SPON1: variants seen among roughly 807,000 people sequenced by gnomAD.
The protein encoded by SPON1 is spondin 1, also known as spondin-1.
A neutral mutation model predicts 111.7 loss-of-function variants in SPON1; 52 were observed. The ratio of observed to expected loss-of-function variants is 0.47; its 90% confidence interval spans 0.37 to 0.59. SPON1 has a LOEUF of 0.59. Among genes scored for constraint, SPON1 ranks in the 20% least tolerant of loss-of-function variants. The probability of loss-of-function intolerance (pLI) is 0.00; values close to 1 mark genes in which losing one functional copy is unlikely to be tolerated. For missense variants in SPON1, 957 were observed against 1,068.5 expected, an observed-to-expected ratio of 0.90 and a Z score of 1.46; for synonymous variants, 410 against 395.8, an observed-to-expected ratio of 1.04 and a Z score of -0.43.
intron 6 of SPON1, among the ~76,000 whole-genome samples, chr11:14,187,387 C>G (rs1395112269): frequency 6.6e-6 from 1 of 152,196 alleles, no homozygotes; most frequent in Non-Finnish European, 1.5e-5. Context: ...AGCCTAACTC[C>G]CACCACTAGG....
intron 5 of SPON1, among the ~76,000 whole-genome samples, chr11:14,097,966 T>A (rs1369539240): frequency 2.0e-5 from 3 of 152,194 alleles, no homozygotes; most frequent in Non-Finnish European, 4.4e-5. Flanking sequence ...TAAATATAGA[T>A]GTACACTTCT....
At chr11:14,030,851 C>T (rs781788660) in intron 2 of SPON1, among the ~76,000 whole-genome samples, 6 of 152,212 alleles carry the variant, frequency 3.9e-5, no homozygotes, top group African/African-American at 1.2e-4. Flanking sequence ...AATCCCATTA[C>T]TGGGTATATA....
At chr11:14,263,206 A>G (rs1365139685) in intron 15 of SPON1, among the ~76,000 whole-genome samples, 3 of 152,196 alleles carry the variant, frequency 2.0e-5, no homozygotes. Context: ...ATCAAAGAAC[A>G]TTTAGATAAC....
rs141141364 is a variant in SPON1, at chr11:14,169,256, T to G, written c.825+33688T>G. ...TTTGCATTTCTCTGATGGCCAGTCA[T>G]GATAAGCATTTTTTCATGTGTTTTT... On this transcript the variant is annotated intron_variant, in intron 6 of 15. Transcript: ENST00000576479. Among the ~76,000 whole-genome samples the G allele has an allele frequency of 9.9e-3, 1,512 of 152,362 alleles. 24 individuals are homozygous for G. The highest frequency in any genetic ancestry group is 0.034 in the Admixed American group (525 of 15,306).
At chr11:14,115,811 T>C (rs1849262472) in intron 5 of SPON1, among the ~76,000 whole-genome samples, 1 of 152,250 alleles carries the variant, frequency 6.6e-6, no homozygotes, top group East Asian at 1.9e-4. Context: ...AATTGCTGGG[T>C]TGTAATGTAA....
At chr11:14,107,357 T>C (rs1279802979) in intron 5 of SPON1, among the ~76,000 whole-genome samples, 2 of 152,178 alleles carry the variant, frequency 1.3e-5, no homozygotes, top group African/African-American at 2.4e-5. Flanking sequence ...TTCAGGTTTA[T>C]TGGGTCCCTA....
chr11:14,264,507 A>G (rs1554942245), intron 15 of SPON1, among the ~76,000 whole-genome samples: 1 of 152,240 alleles, frequency 6.6e-6, no homozygotes, highest in African/African-American at 2.4e-5. Context: ...TCTGATTTTT[A>G]AAGGCCTATT....
At chr11:14,075,508 C>T (rs1848910308) in intron 4 of SPON1, 90 bp downstream of exon 4, 1 of 964,102 alleles carries the variant, frequency 1.0e-6, no homozygotes, top group Non-Finnish European at 1.6e-6. Flanking sequence ...ATTAAGGCCC[C>T]TGGGCTTCGT....
chr11:14,015,771 G>C (rs1475072857), intron 2 of SPON1, among the ~76,000 whole-genome samples: 3 of 152,196 alleles, frequency 2.0e-5, no homozygotes, highest in African/African-American at 7.2e-5. Context: ...GCTGTTTGGC[G>C]ATGTCCTTGT....
chr11:14,221,798 C>A (rs1194186415), intron 6 of SPON1, among the ~76,000 whole-genome samples: 1 of 152,212 alleles, frequency 6.6e-6, no homozygotes, highest in Non-Finnish European at 1.5e-5. Flanking sequence ...AAAGGTCAGG[C>A]TCCACCTCAT....
At chr11:14,021,061 C>T (rs782766136) in intron 2 of SPON1, among the ~76,000 whole-genome samples, 4 of 152,016 alleles carry the variant, frequency 2.6e-5, no homozygotes, top group Non-Finnish European at 4.4e-5. Context: ...CAGAATATCA[C>T]GATATAATGA....
intron 6 of SPON1, among the ~76,000 whole-genome samples, chr11:14,150,421 C>G (rs1847772920): frequency 6.6e-6 from 1 of 151,724 alleles, no homozygotes. Context: ...TAACAACAAT[C>G]TACAGTATGT....
intron 13 of SPON1, 124 bp from the exon 14 acceptor site, chr11:14,260,463 TG>T: frequency 2.0e-6 from 2 of 1,018,590 alleles, no homozygotes; most frequent in Non-Finnish European, 2.9e-6. Flanking sequence ...TTTGAACCCA[TG>T]GGCCAATTCC....
At chr11:14,181,519 G>A (rs1848234748) in intron 6 of SPON1, among the ~76,000 whole-genome samples, 1 of 152,190 alleles carries the variant, frequency 6.6e-6, no homozygotes, top group South Asian at 2.1e-4. Flanking sequence ...GACCTCAAGG[G>A]ATTTGGCAGG....
chr11:14,260,659 C>A lies in SPON1; in HGVS notation c.1903C>A (p.Arg635=), dbSNP rs965855245. The part of the protein sequence containing the change: ...DCSVTCGKGM[R]TRQRMLKSLA... ...CAGCGTGACCTGCGGGAAGGGCATG[C>A]GAACCCGACAGCGGATGCTCAAGTC... Residue 635 remains arginine (R), a synonymous_variant, in exon 14 of 16, where the codon CGA becomes AGA. Transcript: ENST00000576479. The A allele has an allele frequency of 1.9e-6, 3 of 1,613,844 alleles. No individual in the cohort carries two copies. The highest frequency in any genetic ancestry group is 3.3e-4 in the Middle Eastern group (2 of 6,084).
At chr11:13,977,080 C>T (rs915197425) in intron 1 of SPON1, among the ~76,000 whole-genome samples, 3 of 152,210 alleles carry the variant, frequency 2.0e-5, no homozygotes, top group African/African-American at 4.8e-5. Flanking sequence ...GAATATGCCA[C>T]AATTTATATA....
intron 2 of SPON1, among the ~76,000 whole-genome samples, chr11:13,991,260 CTTTG>C (rs1157733924): frequency 3.9e-5 from 6 of 152,144 alleles, no homozygotes; most frequent in Admixed American, 2.0e-4. Context: ...TTCTTGGAGG[CTTTG>C]TTTGTTCCTT....
At chr11:14,079,228 C>T (rs1848941523) in intron 4 of SPON1, among the ~76,000 whole-genome samples, 1 of 152,148 alleles carries the variant, frequency 6.6e-6, no homozygotes, top group African/African-American at 2.4e-5. Flanking sequence ...AAAATGAGGG[C>T]CGAGAGGGAA....
intron 5 of SPON1, among the ~76,000 whole-genome samples, chr11:14,109,888 T>A (rs1437040115): frequency 6.6e-6 from 1 of 152,186 alleles, no homozygotes; most frequent in Non-Finnish European, 1.5e-5. Flanking sequence ...ATGTTTTCCA[T>A]CTCAAAGACA....
Sources: allele counts gnomAD v4.1 joint callset (sites outside exome capture counted in the v4.1 genomes callset), GRCh38; gene constraint gnomAD v4.1.1; transcripts MANE v1.5; gene names NCBI Gene and HGNC (gene_info 2026-07-23, HGNC 2026-07-21).